Variants in ANO4 observed in about 807,000 individuals in gnomAD.
The protein encoded by ANO4 is anoctamin 4.
ANO4 carries 69 observed loss-of-function variants against 141.9 expected under a neutral mutation model. That is an observed-to-expected ratio of 0.49 (90% CI 0.40 to 0.59). The LOEUF (loss-of-function observed/expected upper bound fraction) is 0.59. Ranked by LOEUF, ANO4 falls within the 20% of genes least tolerant of loss-of-function variation. The probability of loss-of-function intolerance (pLI) is 0.00; values close to 1 mark genes in which losing one functional copy is unlikely to be tolerated. For missense variants in ANO4, 894 were observed against 1,162.2 expected (o/e 0.77, Z 3.36); for synonymous variants, 350 against 394.3 (o/e 0.89, Z 1.33).
intron 14 of ANO4, chr12:101,066,771 A>G: frequency 1.0e-6 from 1 of 1,002,942 alleles, no homozygotes; most frequent in South Asian, 1.3e-5. Flanking sequence ...CAGCAGGAGG[A>G]GGACCACAGG....
intron 14 of ANO4, among the ~76,000 whole-genome samples, chr12:101,078,784 T>C (rs773433671): frequency 3.3e-5 from 5 of 152,152 alleles, no homozygotes; most frequent in Non-Finnish European, 5.9e-5. Context: ...TGCCTCTCAC[T>C]TTAAAAAATA....
rs114702024 is a variant in ANO4 at position 101,068,723 on chromosome 12, G to C, written c.1313-10470G>C. The C allele has an allele frequency of 1.6e-3, 2,061 of 1,305,478 alleles. 27 individuals are homozygous for C. The African/African-American group carries it at 0.027, about 17-fold the overall frequency. The allele number at this position is 1,305,478 out of a possible 1,614,324, so 80.9% of individuals were successfully genotyped here. ...TGTGTGAAAGCTGACAAAATGACCA[G>C]ATCTCATAAAAATGTTGCCGATGAC... is the stretch of plus-strand genomic sequence containing the variant. On this transcript the variant is annotated intron_variant, in intron 14 of 27. Coordinates refer to ENST00000392977, the MANE Select transcript of ANO4 (RefSeq NM_001286615.2).
rs57034508 is a variant in ANO4, at chr12:100,825,457, G to A, written c.-141+30430G>A. On this transcript the variant is annotated intron_variant, in intron 1 of 27. Transcript: ENST00000392977. Reference sequence around the variant, plus strand: ...GATGCTCAGTAAAAAGGAAAATCTGGAATTTAAACTTTTTCAACATCCAAA... The same window carrying A: ...GATGCTCAGTAAAAAGGAAAATCTGAAATTTAAACTTTTTCAACATCCAAA... Among the ~76,000 whole-genome samples, 367 of 152,056 alleles carry A rather than the reference G, an allele frequency of 2.4e-3. 2 individuals carry two copies. Among genetic ancestry groups the A allele is most frequent in the East Asian group, 0.018 (93 of 5,140 alleles).
intron 1 of ANO4, among the ~76,000 whole-genome samples, chr12:100,889,641 C>T (rs2040010074): frequency 6.6e-6 from 1 of 152,200 alleles, no homozygotes; most frequent in African/African-American, 2.4e-5. Context: ...TGAAAAAATG[C>T]TCATCATCAC....
chr12:100,935,671 C>T (rs1303400146), intron 3 of ANO4, among the ~76,000 whole-genome samples: 4 of 152,188 alleles, frequency 2.6e-5, no homozygotes, highest in African/African-American at 7.2e-5. Flanking sequence ...GGACAGTGAG[C>T]TCTGAGAGCA....
In ANO4 at chr12:100,855,569, A is replaced by G. The variant is rs554389156; in HGVS notation, c.-140-46077A>G. Among the ~76,000 whole-genome samples the G allele has an allele frequency of 1.8e-4, 28 of 152,236 alleles. 1 individual carries two copies. Among genetic ancestry groups the G allele is most frequent in the Non-Finnish European group, 3.1e-4 (21 of 68,016 alleles). On this transcript the variant is annotated intron_variant, in intron 1 of 27. Coordinates refer to ENST00000392977, the MANE Select transcript of ANO4 (RefSeq NM_001286615.2). ...ATAGCCTCTTGAATTGGTGTACTCT[A>G]TCATACTTACAGAGTTTGTTTTCTG...
At chr12:101,076,219 A>G (rs1300700225) in intron 14 of ANO4, among the ~76,000 whole-genome samples, 6 of 152,146 alleles carry the variant, frequency 3.9e-5, no homozygotes, top group Non-Finnish European at 8.8e-5. Flanking sequence ...TGATTAGGGC[A>G]TGAGAGCAAA....
intron 1 of ANO4, among the ~76,000 whole-genome samples, chr12:100,810,211 G>C (rs1051728011): frequency 1.3e-5 from 2 of 151,948 alleles, no homozygotes; most frequent in South Asian, 2.1e-4. Flanking sequence ...ACATGAGCTG[G>C]GGAGGGAGGG....
intron 14 of ANO4, among the ~76,000 whole-genome samples, chr12:101,069,959 T>G (rs1481091986): frequency 1.3e-5 from 2 of 152,040 alleles, no homozygotes; most frequent in African/African-American, 4.8e-5. Flanking sequence ...CTTTGGCGTT[T>G]GTTTTTTTAT....
chr12:101,121,872 C>T (rs563435835), intron 26 of ANO4, among the ~76,000 whole-genome samples: 1 of 149,744 alleles, frequency 6.7e-6, no homozygotes, highest in Non-Finnish European at 1.5e-5. Flanking sequence ...AAGTAATTCT[C>T]TGCCTCAGCC....
chr12:100,788,123 GT>G (rs1263500721), intron 3 of ANO4, among the ~76,000 whole-genome samples: 1 of 152,180 alleles, frequency 6.6e-6, no homozygotes, highest in Non-Finnish European at 1.5e-5. Flanking sequence ...GGATGATGTG[GT>G]CAGGCTTGGG....
intron 2 of ANO4, among the ~76,000 whole-genome samples, chr12:100,916,901 G>C (rs1013240867): frequency 6.6e-6 from 1 of 151,164 alleles, no homozygotes; most frequent in African/African-American, 2.4e-5. Flanking sequence ...AAAGTGCTTT[G>C]ATGCCCTGGA....
At chr12:101,051,323 G>C (rs901192001) in intron 14 of ANO4, among the ~76,000 whole-genome samples, 3 of 152,138 alleles carry the variant, frequency 2.0e-5, no homozygotes, top group Non-Finnish European at 2.9e-5. Flanking sequence ...AGTATACTTT[G>C]TAAGACTCTG....
chr12:101,124,586 G>C (rs1450734899), intron 26 of ANO4, among the ~76,000 whole-genome samples: 1 of 152,106 alleles, frequency 6.6e-6, no homozygotes, highest in Non-Finnish European at 1.5e-5. Context: ...TTTCTTCTAG[G>C]ATTTTTATAG....
intron 8 of ANO4, among the ~76,000 whole-genome samples, chr12:101,011,746 A>G (rs2046103689): frequency 6.6e-6 from 1 of 152,160 alleles, no homozygotes; most frequent in African/African-American, 2.4e-5. Flanking sequence ...CAAAAAACCT[A>G]CCTTGATTAG....
At chr12:100,765,768 A>G (rs1484469623) in intron 3 of ANO4, among the ~76,000 whole-genome samples, 6 of 150,986 alleles carry the variant, frequency 4.0e-5, no homozygotes, top group Non-Finnish European at 3.0e-5. Flanking sequence ...AATAATAATT[A>G]TGTATATTTA....
intron 5 of ANO4, among the ~76,000 whole-genome samples, chr12:100,967,366 G>A (rs1032503155): frequency 2.6e-5 from 4 of 151,994 alleles, no homozygotes; most frequent in Non-Finnish European, 5.9e-5. Flanking sequence ...TAGAAACAGC[G>A]GTGTAATCAT....
At chr12:100,833,996 G>A (rs2036769090) in intron 1 of ANO4, among the ~76,000 whole-genome samples, 1 of 152,112 alleles carries the variant, frequency 6.6e-6, no homozygotes, top group African/African-American at 2.4e-5. Flanking sequence ...GGTAAAGAGA[G>A]GACCTTTTGG....
intron 7 of ANO4, among the ~76,000 whole-genome samples, chr12:100,984,786 A>G (rs2044634993): frequency 2.0e-5 from 3 of 152,116 alleles, no homozygotes; most frequent in Admixed American, 6.6e-5. Flanking sequence ...ACATATTTCA[A>G]TTAATTAATC....
Sources: gnomAD v4.1 joint callset for allele counts (sites outside exome capture counted in the v4.1 genomes callset) on GRCh38, gnomAD v4.1.1 for gene constraint, MANE v1.5 for transcripts, NCBI Gene and HGNC (gene_info 2026-07-23, HGNC 2026-07-21) for gene names.